The following HSPG2 variants were observed in gnomAD, a reference collection of about 807,000 sequenced individuals.
HSPG2 encodes the protein basement membrane-specific heparan sulfate proteoglycan core protein.
A neutral mutation model predicts 526.6 loss-of-function variants in HSPG2; 278 were observed. The ratio of observed to expected loss-of-function variants is 0.53; its 90% CI spans 0.48 to 0.58. HSPG2 has a LOEUF of 0.58. Among genes scored for constraint, HSPG2 ranks in the 20% least tolerant of loss-of-function variants. The pLI is 0.00. For missense variants in HSPG2, 5,354 were observed against 6,099.5 expected (o/e 0.88, Z 4.07); for synonymous variants, 2,465 against 2,555.4 (o/e 0.96, Z 1.07).
At chr1:21,935,055 C>T (rs562077823) in intron 1 of HSPG2, among the ~76,000 whole-genome samples, 4 of 151,962 alleles carry the variant, frequency 2.6e-5, no homozygotes, top group Admixed American at 2.0e-4. Context: ...TACAAGCATG[C>T]GCCACCACAC....
rs778645295 is a variant in HSPG2, at chr1:21,839,402, G to T, written c.9858C>A (p.His3286Gln). The T allele has an allele frequency of 1.2e-6, 2 of 1,613,634 alleles. No homozygotes were observed. The highest frequency in any genetic ancestry group is 4.5e-5 in the East Asian group (2 of 44,868). ...YICNATSPAG[H>Q]AEATIILHVE... Reference sequence around the variant, plus strand: ...CGTGCAGGATGATGGTGGCCTCAGCGTGCCCAGCAGGGCTAGTGGCATTGC... The same window carrying T: ...CGTGCAGGATGATGGTGGCCTCAGCTTGCCCAGCAGGGCTAGTGGCATTGC... Residue 3286 changes from histidine (H) to glutamine (Q), a missense_variant, in exon 73 of 97, where the codon CAC (histidine) becomes CAA (glutamine). Transcript: ENST00000374695. The surrounding 1 kb of genome is among the most constrained non-coding windows in gnomAD (Gnocchi z 4.5).
chr1:21,856,973 G>T, intron 44 of HSPG2, 42 bp downstream of exon 44: 1 of 1,587,204 alleles, frequency 6.3e-7, no homozygotes, highest in South Asian at 1.1e-5. Context: ...GGGAATGGGG[G>T]AGAGACAGGA....
Position 21,852,909 on chromosome 1 carries a change from G to A in HSPG2, c.6591+10C>T. On this transcript the variant is annotated intron_variant, in intron 51 of 96. Transcript: ENST00000374695. ...CCCTCCAGCAAGGTGGTCCCGGGGGGCTGCCATACCTGGTGCCGGGCAGGG... is the reference window on the plus strand; with the variant it reads ...CCCTCCAGCAAGGTGGTCCCGGGGGACTGCCATACCTGGTGCCGGGCAGGG... 1 of 1,612,004 alleles carries A rather than the reference G, an allele frequency of 6.2e-7. No homozygotes were observed. Among genetic ancestry groups the A allele is most frequent in the Non-Finnish European group, 8.5e-7 (1 of 1,179,602 alleles).
rs1641956127 is a variant in HSPG2 at position 21,887,131 on chromosome 1, G to GGGCGGGGCAGGAGCGGAA, written c.1078+83_1078+84insTTCCGCTCCTGCCCCGCC. ...GGGGGAAAGCGGAGGGGCAGGGTAGGGGCGGGGCAGGAGTGGAAGGCGGGG... is the reference window on the plus strand; with the variant it reads ...GGGGGAAAGCGGAGGGGCAGGGTAGGGGCGGGGCAGGAGCGGAAGGCGGGGCAGGAGTGGAAGGCGGGG... On this transcript the variant is annotated intron_variant, in intron 9 of 96. Coordinates refer to ENST00000374695, the MANE Select transcript of HSPG2 (RefSeq NM_005529.7). The surrounding 1 kb of genome is among the most constrained non-coding windows in gnomAD (Gnocchi z 5.0). 7.0e-7 allele frequency: 1 copy of GGGCGGGGCAGGAGCGGAA among 1,428,280 alleles called. No homozygotes were observed. The highest frequency in any genetic ancestry group is 1.5e-5 in the African/African-American group (1 of 67,590). The allele number at this position is 1,428,280 out of a possible 1,614,324, so 88.5% of individuals were successfully genotyped here. A position where few individuals can be genotyped will look rare whatever the true frequency, so the allele number is the denominator to read the frequency against.
chr1:21,912,901 A>G (rs1643746946), intron 1 of HSPG2, among the ~76,000 whole-genome samples: 1 of 151,090 alleles, frequency 6.6e-6, no homozygotes, highest in Non-Finnish European at 1.5e-5. Flanking sequence ...AATCACTTGA[A>G]CCCGGGAGGC....
At chr1:21,875,784 G>A (rs199710020) in intron 24 of HSPG2, 37 bp from the exon 25 acceptor site, 61 of 1,605,298 alleles carry the variant, frequency 3.8e-5, no homozygotes, top group Middle Eastern at 1.6e-4. Flanking sequence ...AGCCCCTGAC[G>A]TCCTGGAGTA....
chr1:21,865,302 C>A lies in HSPG2; in HGVS notation c.4378G>T (p.Glu1460Ter). The part of the protein sequence containing the change: ...ALQGPERRSY[E>*]IMFREEFWRR... ...CCCCTTACCTCTCGGAACATGATCT[C>A]GTAGCTCCTCCTCTCAGGGCCCTGC... Residue 1460 changes from glutamate to a stop codon, truncating the protein, a stop_gained, in exon 35 of 97, where the codon GAG becomes TAG. Coordinates refer to ENST00000374695, the MANE Select transcript of HSPG2 (RefSeq NM_005529.7). LOFTEE classifies it high-confidence loss of function. The surrounding 1 kb of genome is among the most constrained non-coding windows in gnomAD (Gnocchi z 5.4). The A allele has an allele frequency of 6.2e-7, 1 of 1,614,064 alleles. No homozygotes were observed. Among genetic ancestry groups the A allele is most frequent in the Non-Finnish European group, 8.5e-7 (1 of 1,179,996 alleles).
At position 21,838,135 on chromosome 1, in the gene HSPG2, C is replaced by A. The variant is rs369920221; in HGVS notation, c.10150+690G>T. The stretch of plus-strand genomic sequence containing the variant: ...TGGGTGAAAGAGTGAGATTCTGTCT[C>A]AAAAAAAAAAAAAAAAAAAAAAAGA... On this transcript the variant is annotated intron_variant, in intron 74 of 96. Transcript: ENST00000374695. Among the ~76,000 whole-genome samples, 431 of 75,142 alleles carry A rather than the reference C, an allele frequency of 5.7e-3. 1 individual carries two copies. Among genetic ancestry groups the A allele is most frequent in the East Asian group, 0.01 (22 of 2,182 alleles). The allele number at this position is 75,142 out of a possible 152,430, so 49.3% of individuals were successfully genotyped here. A position where few individuals can be genotyped will look rare whatever the true frequency, so the allele number is the denominator to read the frequency against.
At chr1:21,883,084 C>T (rs1418295034) in intron 13 of HSPG2, among the ~76,000 whole-genome samples, 1 of 152,192 alleles carries the variant, frequency 6.6e-6, no homozygotes, top group African/African-American at 2.4e-5. Context: ...AATCAGACAG[C>T]CCTGGGTTCA....
chr1:21,824,508 C>T lies in HSPG2; in HGVS notation c.12744+29G>A, dbSNP rs1279533988. The T allele has an allele frequency of 6.2e-7, 1 of 1,611,946 alleles. No homozygotes were observed. The highest frequency in any genetic ancestry group is 8.5e-7 in the Non-Finnish European group (1 of 1,179,492). ...AGCCAGCTTCCTGCCCCAGGAGCCC[C>T]AAGAGCCCAGCCGGATACCCACACT... is the stretch of plus-strand genomic sequence containing the variant. On this transcript the variant is annotated intron_variant, in intron 93 of 96. Coordinates refer to ENST00000374695, the MANE Select transcript of HSPG2 (RefSeq NM_005529.7). This position sits in a 1 kb window ranked among gnomAD's most constrained non-coding sequence, Gnocchi z 5.9.
At chr1:21,912,643 T>C (rs990383083) in intron 1 of HSPG2, among the ~76,000 whole-genome samples, 1 of 152,110 alleles carries the variant, frequency 6.6e-6, no homozygotes, top group East Asian at 1.9e-4. Context: ...ACTTTATCAC[T>C]TTGAGCCTCA....
At chr1:21,829,931 C>T in intron 86 of HSPG2, 62 bp downstream of exon 86, 2 of 1,374,304 alleles carry the variant, frequency 1.5e-6, no homozygotes, top group Non-Finnish European at 2.0e-6. Context: ...CCTCAGAGTG[C>T]CCCACCCAGC....
At chr1:21,825,303 C>T (rs1283062319) in intron 91 of HSPG2, 1 of 179,772 alleles carries the variant, frequency 5.6e-6, no homozygotes, top group Non-Finnish European at 1.2e-5. Context: ...TTTGTGTAGT[C>T]AACAGGATCC....
intron 13 of HSPG2, among the ~76,000 whole-genome samples, chr1:21,883,953 C>T (rs910672856): frequency 4.9e-4 from 75 of 152,332 alleles, no homozygotes; most frequent in Non-Finnish European, 9.3e-4. Context: ...AAAGACACAG[C>T]GGCAGTAAGT....
rs1173278416 is a variant in HSPG2, at chr1:21,847,782, C to T, written c.7932G>A (p.Gly2644=). 1.2e-6 allele frequency: 2 copies of T among 1,613,712 alleles called. No individual in the cohort carries two copies. The highest frequency in any genetic ancestry group is 1.7e-5 in the Admixed American group (1 of 59,998). ...CCACGCAGTTCAGATCCAAGGTCTG[C>T]CCTTCCACCACCGTGGGGGAAGACG... ...IESSSPTVVE[G]QTLDLNCVVA... Residue 2644 remains glycine, a synonymous_variant, in exon 61 of 97, where the codon GGG becomes GGA. Coordinates refer to ENST00000374695, the MANE Select transcript of HSPG2 (RefSeq NM_005529.7). The surrounding 1 kb of genome is among the most constrained non-coding windows in gnomAD (Gnocchi z 4.1).
In HSPG2 at chr1:21,878,240, C is replaced by T. The variant is rs766215406; in HGVS notation, c.2631G>A (p.Val877=). The T allele has an allele frequency of 1.9e-6, 3 of 1,614,010 alleles. No homozygotes were observed. The highest frequency in any genetic ancestry group is 1.7e-6 in the Non-Finnish European group (2 of 1,180,012). Residue 877 remains valine, a synonymous_variant, in exon 21 of 97, where the codon GTG becomes GTA. Coordinates refer to ENST00000374695, the MANE Select transcript of HSPG2 (RefSeq NM_005529.7). ...GKCRPVNQEI[V]RCDERGSMGT... ...CCATGCTGCCACGCTCGTCACAGCG[C>T]ACAATCTCCTGGTCTGGGACACAAA...
intron 1 of HSPG2, chr1:21,908,659 G>T: frequency 4.5e-5 from 23 of 516,486 alleles, no homozygotes; most frequent in Middle Eastern, 5.4e-4. Context: ...TTGTTATTTT[G>T]ATTAAAATAA....
chr1:21,936,043 C>T (rs975704417), intron 1 of HSPG2, among the ~76,000 whole-genome samples: 2 of 152,056 alleles, frequency 1.3e-5, no homozygotes, highest in African/African-American at 4.8e-5. Flanking sequence ...AAACACCAGC[C>T]TGGTTAGAAA....
At position 21,880,784 on chromosome 1, in the gene HSPG2, G is replaced by C. The variant is rs779022485; in HGVS notation, c.1870C>G (p.Arg624Gly). 17 of 1,598,652 alleles carry C rather than the reference G, an allele frequency of 1.1e-5. No individual in the cohort carries two copies. Among genetic ancestry groups the C allele is most frequent in the African/African-American group, 1.3e-5 (1 of 74,674 alleles). Residue 624 changes from arginine to glycine, a missense_variant, in exon 15 of 97, where the codon CGT becomes GGT. Transcript: ENST00000374695. ...LRYNVRYELARGMLEPVQRPD... is the reference protein window; with the variant it reads ...LRYNVRYELAGGMLEPVQRPD... ...CGCTGCACTGGCTCCAGCATGCCACGGGCCAACTCGTAGCGCACGTTGTAA... is the reference window on the plus strand; with the variant it reads ...CGCTGCACTGGCTCCAGCATGCCACCGGCCAACTCGTAGCGCACGTTGTAA...
Sources: allele counts gnomAD v4.1 joint callset (sites outside exome capture counted in the v4.1 genomes callset), GRCh38; gene constraint gnomAD v4.1.1; non-coding constraint Gnocchi (gnomAD v3.1); transcripts MANE v1.5; gene names NCBI Gene and HGNC (gene_info 2026-07-23, HGNC 2026-07-21).